The following EDDM13 variants were observed in gnomAD, a reference collection of about 807,000 sequenced individuals.
The protein encoded by EDDM13 is epididymal protein 13.
A neutral mutation model predicts 17.8 loss-of-function variants in EDDM13; 24 were observed. The ratio of observed to expected loss-of-function variants is 1.35; its 90% CI spans 0.98 to 1.90. The LOEUF is 1.90. EDDM13 is among the 40% of genes most tolerant of loss of function. The pLI, the probability that EDDM13 is intolerant of heterozygous loss-of-function variation, is 0.00. For missense variants in EDDM13, 97 were observed against 100.8 expected, an observed-to-expected ratio of 0.96 and a Z score of 0.16; for synonymous variants, 31 against 37.5, an observed-to-expected ratio of 0.83 and a Z score of 0.63.
chr19:56,287,093 T>A (rs76233859), intron 6 of EDDM13, among the ~76,000 whole-genome samples: 1,946 of 152,340 alleles, frequency 0.013, 45 homozygotes, highest in African/African-American at 0.044. Flanking sequence ...TTCTGGAGTC[T>A]AAAGTCTTCC....
intron 13 of EDDM13, among the ~76,000 whole-genome samples, chr19:56,303,495 AGAAGGAAAG>A (rs375036911): frequency 5.1e-4 from 74 of 145,774 alleles, no homozygotes; most frequent in Admixed American, 2.8e-3. Context: ...AGAAAAAAAA[AGAAGGAAAG>A]GAAGGAAAGG....
intron 2 of EDDM13, among the ~76,000 whole-genome samples, chr19:56,278,124 GTGTT>G (rs1225251585): frequency 6.9e-6 from 1 of 145,178 alleles, no homozygotes; most frequent in African/African-American, 2.5e-5. Flanking sequence ...TTAGCTTTAT[GTGTT>G]TGTTTATTTT....
chr19:56,297,578 C>T (rs779323587), intron 12 of EDDM13, 47 bp downstream of exon 12: 24 of 953,292 alleles, frequency 2.5e-5, no homozygotes, highest in Non-Finnish European at 3.0e-5. Context: ...GACAGTGTGT[C>T]CCTTCTGTCT....
chr19:56,284,447 A>T (rs568235332), intron 5 of EDDM13, among the ~76,000 whole-genome samples: 1 of 151,938 alleles, frequency 6.6e-6, no homozygotes, highest in Admixed American at 6.6e-5. Context: ...TTATAAACTC[A>T]AAGTCTGGTG....
At chr19:56,294,176 G>A (rs774034055) in intron 9 of EDDM13, among the ~76,000 whole-genome samples, 2 of 151,922 alleles carry the variant, frequency 1.3e-5, no homozygotes, top group African/African-American at 2.4e-5. Context: ...CTCCAGTAAC[G>A]AGCAAAAGCC....
At chr19:56,283,142 C>T (rs1422696100) in intron 4 of EDDM13, 1 of 152,214 alleles carries the variant, frequency 6.6e-6, no homozygotes, top group Non-Finnish European at 1.5e-5. Context: ...CTTACGGTTG[C>T]AAAACATTTT....
chr19:56,274,935 G>A (rs1371902280), intron 1 of EDDM13: 1 of 152,182 alleles, frequency 6.6e-6, no homozygotes, highest in Non-Finnish European at 1.5e-5. Context: ...GCTCTGATCA[G>A]TTGTTTTGCA....
At chr19:56,280,913 C>T (rs1186794638) in intron 2 of EDDM13, among the ~76,000 whole-genome samples, 1 of 152,144 alleles carries the variant, frequency 6.6e-6, no homozygotes, top group Admixed American at 6.5e-5. Flanking sequence ...AACACATACA[C>T]ATTTGACCCT....
At chr19:56,291,316 A>T (rs2039492537) in intron 9 of EDDM13, among the ~76,000 whole-genome samples, 1 of 152,150 alleles carries the variant, frequency 6.6e-6, no homozygotes, top group Non-Finnish European at 1.5e-5. Flanking sequence ...TAATCTCTGG[A>T]AGATGAATCC....
rs1051886199 is a variant in EDDM13 at position 56,297,381 on chromosome 19, CCT to C, written c.269-118_269-117del. 3.5e-4 allele frequency: 59 copies of C among 170,552 alleles called. 1 individual carries two copies. The highest frequency in any genetic ancestry group is 3.4e-3 in the Admixed American group (52 of 15,256). 10.6% of individuals were successfully genotyped at this position (170,552 alleles called of 1,614,324 possible). A position where few individuals can be genotyped will look rare whatever the true frequency, so the allele number is the denominator to read the frequency against. ...CTCCTCCTCTTCCTCTTCCTCCCTC[CCT>C]CTCTCCCTCCCTTTCTTCCTTTCCT... On this transcript the variant is annotated intron_variant, in intron 11 of 14. Transcript: ENST00000649256.
At chr19:56,295,672 T>G (rs2039824822) in intron 9 of EDDM13, among the ~76,000 whole-genome samples, 1 of 152,144 alleles carries the variant, frequency 6.6e-6, no homozygotes, top group Non-Finnish European at 1.5e-5. Context: ...CAGCCTAACC[T>G]TGCTGCGGTG....
chr19:56,276,352 A>AAATG (rs1476765862), intron 2 of EDDM13, among the ~76,000 whole-genome samples: 1 of 152,134 alleles, frequency 6.6e-6, no homozygotes, highest in African/African-American at 2.4e-5. Flanking sequence ...CCTATTCGGA[A>AAATG]AATGAAGAGC....
intron 8 of EDDM13, among the ~76,000 whole-genome samples, chr19:56,289,195 C>T (rs2147137919): frequency 6.6e-6 from 1 of 152,342 alleles, no homozygotes; most frequent in Non-Finnish European, 1.5e-5. Context: ...TGCTAAGGGT[C>T]TGAGAGCTGC....
chr19:56,283,879 C>A (rs2038903251), intron 4 of EDDM13: 1 of 152,204 alleles, frequency 6.6e-6, no homozygotes, highest in Admixed American at 6.5e-5. Context: ...ATCATCTTTT[C>A]TTCTGTTCCT....
In EDDM13 at chr19:56,301,993, A is replaced by G; in HGVS notation, c.321A>G (p.Pro107=). 2 of 1,232,124 alleles carry G rather than the reference A, an allele frequency of 1.6e-6. No homozygotes were observed. Among genetic ancestry groups the G allele is most frequent in the Non-Finnish European group, 1.0e-6 (1 of 988,280 alleles). 76.3% of individuals were successfully genotyped at this position (1,232,124 alleles called of 1,614,324 possible). A position where few individuals can be genotyped will look rare whatever the true frequency, so the allele number is the denominator to read the frequency against. The change falls in exon 13 of 15, where the codon CCA becomes CCG. Residue 107 remains proline, a synonymous_variant. Coordinates refer to ENST00000649256, the MANE Select transcript of EDDM13 (RefSeq NM_001354658.2). The part of the protein sequence containing the change: ...EEVKPFSGTT[P]SRKPLPKRKN... ...TTAAACCCTTCTCAGGCACCACCCC[A>G]TCCAGGAAACCACTCCCCAAGAGGA...
At chr19:56,281,111 G>T (rs1486233487) in intron 2 of EDDM13, among the ~76,000 whole-genome samples, 6 of 152,132 alleles carry the variant, frequency 3.9e-5, no homozygotes, top group African/African-American at 1.2e-4. Context: ...TACAATAAGG[G>T]AAGCTAGAGA....
chr19:56,281,305 A>G (rs1209530711), intron 2 of EDDM13, among the ~76,000 whole-genome samples: 1 of 152,178 alleles, frequency 6.6e-6, no homozygotes, highest in Non-Finnish European at 1.5e-5. Context: ...ATCTAAGTGG[A>G]TAAGTGTAAC....
intron 2 of EDDM13, among the ~76,000 whole-genome samples, chr19:56,276,345 A>G (rs368507955): frequency 6.6e-6 from 1 of 152,148 alleles, no homozygotes; most frequent in East Asian, 1.9e-4. Flanking sequence ...AGAGAGGCCT[A>G]TTCGGAAAAT....
At chr19:56,277,472 G>A (rs2038350086) in intron 2 of EDDM13, among the ~76,000 whole-genome samples, 1 of 149,868 alleles carries the variant, frequency 6.7e-6, no homozygotes, top group Non-Finnish European at 1.5e-5. Context: ...TACCGTATAT[G>A]AAATATTCAG....
Sources: gnomAD v4.1 joint callset for allele counts (sites outside exome capture counted in the v4.1 genomes callset) on GRCh38, gnomAD v4.1.1 for gene constraint, MANE v1.5 for transcripts, NCBI Gene and HGNC (gene_info 2026-07-23, HGNC 2026-07-21) for gene names.